Variants in CPA6 observed in about 807,000 individuals in gnomAD.
The protein encoded by CPA6 is carboxypeptidase A6.
Under a neutral mutation model 63.3 loss-of-function variants are expected in CPA6, and 58 were observed. That is an observed-to-expected ratio of 0.92 (90% CI 0.74 to 1.14). CPA6 has a LOEUF of 1.14. Among genes scored for constraint, CPA6 ranks in the 50% most tolerant of loss-of-function variants. The probability of loss-of-function intolerance (pLI) is 0.00; values close to 1 mark genes in which losing one functional copy is unlikely to be tolerated. For synonymous variants in CPA6, 185 were observed against 179.0 expected (o/e 1.03, Z -0.27); for missense variants, 565 against 526.6 (o/e 1.07, Z -0.71).
intron 8 of CPA6, among the ~76,000 whole-genome samples, chr8:67,477,651 C>T (rs946371872): frequency 7.2e-5 from 11 of 152,184 alleles, no homozygotes; most frequent in Non-Finnish European, 1.6e-4. Flanking sequence ...TGGCAGGAGT[C>T]TTAAGGGCCT....
intron 1 of CPA6, among the ~76,000 whole-genome samples, chr8:67,647,968 G>A (rs922809073): frequency 6.6e-6 from 1 of 152,110 alleles, no homozygotes; most frequent in African/African-American, 2.4e-5. Context: ...CTGGGATATT[G>A]GGTATCACTC....
chr8:67,681,944 G>C (rs1394308695), intron 1 of CPA6, among the ~76,000 whole-genome samples: 1 of 151,458 alleles, frequency 6.6e-6, no homozygotes, highest in African/African-American at 2.4e-5. Flanking sequence ...AAGAAAAAAT[G>C]GTTTCTGGTA....
At chr8:67,496,749 T>C (rs1165814962) in intron 6 of CPA6, among the ~76,000 whole-genome samples, 2 of 151,544 alleles carry the variant, frequency 1.3e-5, no homozygotes, top group African/African-American at 4.8e-5. Flanking sequence ...TTAGTAGAAA[T>C]GGGGTTTCAC....
chr8:67,655,977 T>G (rs1815974839), intron 1 of CPA6, among the ~76,000 whole-genome samples: 1 of 152,198 alleles, frequency 6.6e-6, no homozygotes, highest in South Asian at 2.1e-4. Flanking sequence ...GTAAAATACT[T>G]GGTGTTGCTA....
chr8:67,482,173 G>A (rs1156401880), intron 8 of CPA6, among the ~76,000 whole-genome samples: 1 of 152,230 alleles, frequency 6.6e-6, no homozygotes, highest in African/African-American at 2.4e-5. Flanking sequence ...ATAAACAGGA[G>A]TCTAAGTTTA....
At chr8:67,713,097 G>GTA (rs1172040978) in intron 1 of CPA6, among the ~76,000 whole-genome samples, 313 of 60,176 alleles carry the variant, frequency 5.2e-3, no homozygotes, top group East Asian at 0.012. Context: ...GTGTGTGTGT[G>GTA]TGTATATATA....
chr8:67,694,345 C>T (rs1402947209), intron 1 of CPA6, among the ~76,000 whole-genome samples: 4 of 152,236 alleles, frequency 2.6e-5, no homozygotes, highest in Non-Finnish European at 5.9e-5. Context: ...CAGATAACTA[C>T]TTTCCTTCTG....
chr8:67,632,631 G>A (rs1382880325), intron 1 of CPA6, among the ~76,000 whole-genome samples: 1 of 152,144 alleles, frequency 6.6e-6, no homozygotes, highest in Non-Finnish European at 1.5e-5. Context: ...AATATGTGAT[G>A]TTCTCATTGA....
intron 1 of CPA6, among the ~76,000 whole-genome samples, chr8:67,713,449 T>C (rs879913679): frequency 1.1e-4 from 16 of 152,062 alleles, no homozygotes; most frequent in African/African-American, 3.9e-4. Context: ...TGTCATTTCT[T>C]TGTTTCGGGT....
intron 1 of CPA6, among the ~76,000 whole-genome samples, chr8:67,701,045 C>T (rs1361528257): frequency 2.0e-5 from 3 of 152,064 alleles, no homozygotes; most frequent in Non-Finnish European, 4.4e-5. Context: ...ACAATCGTTT[C>T]CTCACTTAGG....
chr8:67,425,151 A>G (rs1238156889), intron 10 of CPA6, among the ~76,000 whole-genome samples: 1 of 152,226 alleles, frequency 6.6e-6, no homozygotes, highest in East Asian at 1.9e-4. Context: ...CCTCAAGTGC[A>G]TATGTAGTTT....
Position 67,711,720 on chromosome 8 carries a change from C to CACACACAT in CPA6, c.116+34293_116+34294insATGTGTGT, listed in dbSNP as rs764510531. On this transcript the variant is annotated intron_variant, in intron 1 of 10. Coordinates refer to ENST00000297770, the MANE Select transcript of CPA6 (RefSeq NM_020361.5). The stretch of plus-strand genomic sequence containing the variant: ...ACACACACACACACACACACACACA[C>CACACACAT]ACATCTGAAAGATGGAGGGGCACCT... 8.1e-3 allele frequency among the ~76,000 whole-genome samples: 1,226 copies of CACACACAT among 151,144 alleles called. 13 individuals are homozygous for CACACACAT. Among genetic ancestry groups the CACACACAT allele is most frequent in the African/African-American group, 0.022 (888 of 40,824 alleles).
intron 9 of CPA6, among the ~76,000 whole-genome samples, chr8:67,430,954 T>C (rs757159761): frequency 3.2e-4 from 49 of 152,098 alleles, no homozygotes; most frequent in Non-Finnish European, 5.4e-4. Context: ...CTCTGCCTCC[T>C]GGACTCAAGC....
intron 2 of CPA6, among the ~76,000 whole-genome samples, chr8:67,556,497 CA>C (rs1813064161): frequency 6.6e-6 from 1 of 152,184 alleles, no homozygotes; most frequent in South Asian, 2.1e-4. Context: ...ACTTGGCCCC[CA>C]GCTCAGAACT....
chr8:67,593,336 T>C (rs918907474), intron 2 of CPA6, among the ~76,000 whole-genome samples: 1 of 151,652 alleles, frequency 6.6e-6, no homozygotes, highest in Non-Finnish European at 1.5e-5. Flanking sequence ...AGGTGTGGTG[T>C]GGTGCTGAAA....
At chr8:67,485,703 T>C (rs182587400) in intron 6 of CPA6, among the ~76,000 whole-genome samples, 1 of 152,340 alleles carries the variant, frequency 6.6e-6, no homozygotes, top group Admixed American at 6.5e-5. Context: ...AGAATTTGTT[T>C]ATAACATATA....
At chr8:67,666,797 C>G (rs1186912529) in intron 1 of CPA6, among the ~76,000 whole-genome samples, 1 of 152,116 alleles carries the variant, frequency 6.6e-6, no homozygotes, top group Non-Finnish European at 1.5e-5. Context: ...AACCGGGTGA[C>G]AGGATGGGGG....
chr8:67,566,541 A>G (rs1813340358), intron 2 of CPA6, among the ~76,000 whole-genome samples: 1 of 152,106 alleles, frequency 6.6e-6, no homozygotes, highest in African/African-American at 2.4e-5. Flanking sequence ...CACCTTTTGG[A>G]TTTTTAATAT....
chr8:67,581,128 TGTAATATTAA>T (rs1176241729), intron 2 of CPA6, among the ~76,000 whole-genome samples: 7 of 152,200 alleles, frequency 4.6e-5, no homozygotes, highest in Non-Finnish European at 7.3e-5. Context: ...ATATGTACTA[TGTAATATTAA>T]GTAATATTAA....
Sources: gnomAD v4.1 joint callset for allele counts (sites outside exome capture counted in the v4.1 genomes callset) on GRCh38, gnomAD v4.1.1 for gene constraint, MANE v1.5 for transcripts, NCBI Gene and HGNC (gene_info 2026-07-23, HGNC 2026-07-21) for gene names.